PRPF19: variants seen among roughly 807,000 people sequenced by gnomAD.
PRPF19 encodes pre-mRNA-processing factor 19.
Under a neutral mutation model 64.2 loss-of-function variants are expected in PRPF19, and 2 were observed. The observed-to-expected ratio is 0.03, with a 90% CI of 0.01 to 0.10. The LOEUF is 0.10. Ranked by LOEUF, PRPF19 falls within the 10% of genes least tolerant of loss-of-function variation. PRPF19 has a pLI of 1.00. For synonymous variants in PRPF19, 226 were observed against 251.6 expected, an observed-to-expected ratio of 0.90 and a Z score of 0.96; for missense variants, 314 against 650.0, an observed-to-expected ratio of 0.48 and a Z score of 5.62.
In PRPF19 at chr11:60,906,499, A is replaced by G; in HGVS notation, c.-117T>C. 3 of 1,139,472 alleles carry G rather than the reference A, an allele frequency of 2.6e-6. No homozygotes were observed. The highest frequency in any genetic ancestry group is 3.7e-6 in the Non-Finnish European group (3 of 806,184). 70.6% of individuals were successfully genotyped at this position (1,139,472 alleles called of 1,614,324 possible). A position where few individuals can be genotyped will look rare whatever the true frequency, so the allele number is the denominator to read the frequency against. Reference sequence around the variant, plus strand: ...CGGGACTGCTCCGCGGCGAGCTGGGAGCCGCCAGCCGAGCGATGCTAGCGT... The same window carrying G: ...CGGGACTGCTCCGCGGCGAGCTGGGGGCCGCCAGCCGAGCGATGCTAGCGT... On this transcript the variant is annotated 5_prime_UTR_variant, in exon 1 of 16. Transcript: ENST00000227524.
Position 60,906,514 on chromosome 11 carries a change from G to T in PRPF19, c.-132C>A. On this transcript the variant is annotated 5_prime_UTR_variant, in exon 1 of 16. Coordinates refer to ENST00000227524, the MANE Select transcript of PRPF19 (RefSeq NM_014502.5). Reference sequence around the variant, plus strand: ...GCGAGCTGGGAGCCGCCAGCCGAGCGATGCTAGCGTAGCGCTTCACGTGGG... The same window carrying T: ...GCGAGCTGGGAGCCGCCAGCCGAGCTATGCTAGCGTAGCGCTTCACGTGGG... 1 of 973,646 alleles carries T rather than the reference G, an allele frequency of 1.0e-6. No homozygotes were observed. Among genetic ancestry groups the T allele is most frequent in the Non-Finnish European group, 1.5e-6 (1 of 663,310 alleles). The allele number at this position is 973,646 out of a possible 1,614,324, so 60.3% of individuals were successfully genotyped here. A position where few individuals can be genotyped will look rare whatever the true frequency, so the allele number is the denominator to read the frequency against.
chr11:60,903,046 G>C lies in PRPF19; in HGVS notation c.247-165C>G, dbSNP rs576440440. 2.0e-5 allele frequency among the ~76,000 whole-genome samples: 3 copies of C among 152,068 alleles called. No individual in the cohort carries two copies. In the East Asian group the frequency reaches 5.8e-4, roughly 29 times the overall value. On this transcript the variant is annotated intron_variant, in intron 3 of 15. Coordinates refer to ENST00000227524, the MANE Select transcript of PRPF19 (RefSeq NM_014502.5). ...CACGAATGTGCCGGCAGACACTCTT[G>C]AGCTCCTACCCCAAGCGAACCACTG...
intron 15 of PRPF19, among the ~76,000 whole-genome samples, chr11:60,896,731 C>T (rs756718913): frequency 3.3e-5 from 5 of 152,236 alleles, no homozygotes; most frequent in South Asian, 2.1e-4. Flanking sequence ...AGTGTGAGAA[C>T]GGACTAATAC....
intron 15 of PRPF19, among the ~76,000 whole-genome samples, chr11:60,892,092 C>T (rs1366771177): frequency 2.0e-5 from 3 of 152,156 alleles, no homozygotes; most frequent in Admixed American, 6.5e-5. Flanking sequence ...CTCCACAACA[C>T]CAGCTGTCAC....
chr11:60,897,762 G>A, intron 15 of PRPF19, 84 bp downstream of exon 15: 7 of 1,153,858 alleles, frequency 6.1e-6, no homozygotes, highest in Non-Finnish European at 8.9e-6. Context: ...ATTCATGCAA[G>A]CCCTAGAAAT....
intron 15 of PRPF19, among the ~76,000 whole-genome samples, chr11:60,895,004 G>A (rs1018614030): frequency 6.6e-6 from 1 of 152,208 alleles, no homozygotes; most frequent in African/African-American, 2.4e-5. Flanking sequence ...TCTATTTACA[G>A]AGCACAGGCA....
At chr11:60,891,909 A>C (rs568237290) in intron 15 of PRPF19, among the ~76,000 whole-genome samples, 3 of 152,358 alleles carry the variant, frequency 2.0e-5, no homozygotes, top group Admixed American at 2.0e-4. Context: ...TTGTTATACA[A>C]ACACACTGAG....
Position 60,906,441 on chromosome 11 carries a change from CTCCGCGAGCCACT to C in PRPF19, c.-72_-60del. The C allele has an allele frequency of 6.7e-7, 1 of 1,485,948 alleles. No homozygotes were observed. Among genetic ancestry groups the C allele is most frequent in the Admixed American group, 2.0e-5 (1 of 49,432 alleles). The allele number at this position is 1,485,948 out of a possible 1,614,324, so 92.0% of individuals were successfully genotyped here. ...CGGGCTCCGGGACTAGCTTCTGAGC[CTCCGCGAGCCACT>C]TCCGGTCCCCCGCTGCTGCCGGGAC... On this transcript the variant is annotated 5_prime_UTR_variant, in exon 1 of 16. Transcript: ENST00000227524.
chr11:60,899,009 C>A (rs1855951992), intron 11 of PRPF19, 78 bp from the exon 12 acceptor site: 3 of 1,508,086 alleles, frequency 2.0e-6, no homozygotes, highest in Admixed American at 2.1e-5. Flanking sequence ...CAAGACAGAG[C>A]CCCTGGTTTG....
chr11:60,894,723 C>CA (rs1444460890), intron 15 of PRPF19, among the ~76,000 whole-genome samples: 1 of 152,140 alleles, frequency 6.6e-6, no homozygotes, highest in Non-Finnish European at 1.5e-5. Flanking sequence ...CCAGATCCAT[C>CA]AAAGGAACCA....
chr11:60,895,975 C>A (rs1855915431), intron 15 of PRPF19, among the ~76,000 whole-genome samples: 1 of 152,122 alleles, frequency 6.6e-6, no homozygotes, highest in African/African-American at 2.4e-5. Flanking sequence ...TCAAAGATCA[C>A]TAACGGACAC....
At position 60,901,383 on chromosome 11, in the gene PRPF19, A is replaced by G; in HGVS notation, c.568-14T>C. Reference sequence around the variant, plus strand: ...AGTCTTCCCTCTCTGAGAAAATGAAAAGCCCCCAAAGAAGAGCAGCAATGA... The same window carrying G: ...AGTCTTCCCTCTCTGAGAAAATGAAGAGCCCCCAAAGAAGAGCAGCAATGA... On this transcript the variant is annotated splice_polypyrimidine_tract_variant and intron_variant, in intron 7 of 15. Transcript: ENST00000227524. The G allele has an allele frequency of 6.2e-7, 1 of 1,614,140 alleles. No individual in the cohort carries two copies.
chr11:60,903,925 A>T (rs910607755), intron 1 of PRPF19, 64 bp from the exon 2 acceptor site: 7 of 1,565,472 alleles, frequency 4.5e-6, no homozygotes, highest in Non-Finnish European at 5.2e-6. Flanking sequence ...AGGATTCCTC[A>T]TCTGCTATTA....
intron 1 of PRPF19, among the ~76,000 whole-genome samples, chr11:60,904,355 C>T (rs925378779): frequency 6.6e-6 from 1 of 152,206 alleles, no homozygotes; most frequent in African/African-American, 2.4e-5. Flanking sequence ...TCTGACAAAA[C>T]AAAATACTTC....
At position 60,896,278 on chromosome 11, in the gene PRPF19, GAGA is replaced by G. The variant is rs1346313939; in HGVS notation, c.1417+1565_1417+1567del. On this transcript the variant is annotated intron_variant, in intron 15 of 15. Transcript: ENST00000227524. Reference sequence around the variant, plus strand: ...AAGCAGGCCCTTTCAGGAGGTATCCGAGAAGAAGGCATTATCATCATAGGAGAT... The same window carrying G: ...AAGCAGGCCCTTTCAGGAGGTATCCGAGAAGGCATTATCATCATAGGAGAT... Among the ~76,000 whole-genome samples the G allele has an allele frequency of 3.9e-5, 6 of 152,306 alleles. No homozygotes were observed. In the East Asian group the frequency reaches 5.8e-4, roughly 15 times the overall value.
intron 1 of PRPF19, 131 bp downstream of exon 1, chr11:60,906,233 G>A: frequency 7.2e-7 from 1 of 1,380,218 alleles, no homozygotes; most frequent in Non-Finnish European, 9.4e-7. Context: ...GGTGCTGACA[G>A]GCCGCCGCTC....
At chr11:60,903,961 C>CA (rs1445335340) in intron 1 of PRPF19, 100 bp from the exon 2 acceptor site, 16 of 1,413,658 alleles carry the variant, frequency 1.1e-5, no homozygotes, top group Non-Finnish European at 1.4e-5. Context: ...GGCATCCTCA[C>CA]ACTCAACTAG....
chr11:60,903,867 G>A lies in PRPF19; in HGVS notation c.20-6C>T. 1 of 1,607,916 alleles carries A rather than the reference G, an allele frequency of 6.2e-7. No individual in the cohort carries two copies. The stretch of plus-strand genomic sequence containing the variant: ...CTCCGGCACTTCGTTAGAGACTGTA[G>A]AGAAAAGGCTGGTAGTGAGCTTGGA... On this transcript the variant is annotated splice_region_variant and splice_polypyrimidine_tract_variant and intron_variant, in intron 1 of 15. Transcript: ENST00000227524.
At position 60,898,956 on chromosome 11, in the gene PRPF19, GAGTC is replaced by G; in HGVS notation, c.985-29_985-26del. Reference sequence around the variant, plus strand: ...ACTGGGGAAAAAAAAAGAGACAATGGAGTCAGTGAGAAAGTGGGTCCCAGGTTCT... The same window carrying G: ...ACTGGGGAAAAAAAAAGAGACAATGGAGTGAGAAAGTGGGTCCCAGGTTCT... On this transcript the variant is annotated intron_variant, in intron 11 of 15. Transcript: ENST00000227524. The surrounding 1 kb of genome is among the most constrained non-coding windows in gnomAD (Gnocchi z 4.6). The G allele has an allele frequency of 6.4e-7, 1 of 1,567,922 alleles. No individual in the cohort carries two copies. Among genetic ancestry groups the G allele is most frequent in the East Asian group, 2.3e-5 (1 of 43,620 alleles).
Sources: gnomAD v4.1 joint callset for allele counts (sites outside exome capture counted in the v4.1 genomes callset) on GRCh38, gnomAD v4.1.1 for gene constraint, Gnocchi (gnomAD v3.1) non-coding constraint, MANE v1.5 for transcripts, NCBI Gene and HGNC (gene_info 2026-07-23, HGNC 2026-07-21) for gene names.